SGK2: variants seen among roughly 807,000 people sequenced by gnomAD.
The protein encoded by SGK2 is serum/glucocorticoid regulated kinase 2, also known as serine/threonine-protein kinase Sgk2.
In SGK2, 36 loss-of-function variants were observed where a neutral mutation model predicts 47.5. The ratio of observed to expected loss-of-function variants is 0.76; its 90% CI spans 0.58 to 1.00. The LOEUF (loss-of-function observed/expected upper bound fraction) is 1.00, where lower values mean the gene tolerates loss of function less well. Ranked by LOEUF, SGK2 falls within the 50% of genes least tolerant of loss-of-function variation. The pLI is 0.00. For synonymous variants in SGK2, 157 were observed against 181.9 expected, an observed-to-expected ratio of 0.86 and a Z score of 1.10; for missense variants, 404 against 467.4, an observed-to-expected ratio of 0.86 and a Z score of 1.25.
chr20:43,560,498 C>CAAAAA (rs5841509), intron 1 of SGK2, among the ~76,000 whole-genome samples: 1 of 117,882 alleles, frequency 8.5e-6, no homozygotes. Context: ...GACTCCATCT[C>CAAAAA]AAAAAAAAAA....
chr20:43,575,083 T>C, intron 10 of SGK2, 79 bp downstream of exon 10: 1 of 901,342 alleles, frequency 1.1e-6, no homozygotes, highest in South Asian at 1.4e-5. Flanking sequence ...ACAAGCTCTG[T>C]CCAGGAAAAT....
At chr20:43,577,121 T>C (rs902835354) in intron 11 of SGK2, among the ~76,000 whole-genome samples, 1 of 151,192 alleles carries the variant, frequency 6.6e-6, no homozygotes, top group African/African-American at 2.4e-5. Context: ...TCTGAGGAGG[T>C]GACAATTAAG....
At chr20:43,567,895 C>T in intron 4 of SGK2, 21 bp from the exon 5 acceptor site, 1 of 1,612,546 alleles carries the variant, frequency 6.2e-7, no homozygotes, top group South Asian at 1.1e-5. Flanking sequence ...TACAGGGCCT[C>T]AAATTCATGT....
At chr20:43,571,221 C>T (rs544137283) in intron 8 of SGK2, among the ~76,000 whole-genome samples, 161 bp downstream of exon 8, 1 of 152,288 alleles carries the variant, frequency 6.6e-6, no homozygotes, top group South Asian at 2.1e-4. Context: ...TGCCCATGCA[C>T]ATGTACACAC....
chr20:43,582,647 C>T (rs1243242737), intron 12 of SGK2, among the ~76,000 whole-genome samples: 1 of 151,450 alleles, frequency 6.6e-6, no homozygotes, highest in African/African-American at 2.4e-5. Flanking sequence ...CACAGCCTCC[C>T]AAAGTGCTGG....
chr20:43,570,553 C>A, intron 6 of SGK2, 64 bp from the exon 7 acceptor site: 1 of 1,066,524 alleles, frequency 9.4e-7, no homozygotes, highest in Non-Finnish European at 1.4e-6. Flanking sequence ...GGGCGGGGAG[C>A]AGGTGCACCC....
rs1289718218 is a variant in SGK2 at position 43,567,064 on chromosome 20, T to C, written c.37-4T>C. Reference sequence around the variant, plus strand: ...CTGCTGATCATAATCACTTCTTTCTTTAGCCCTCCAGGGCCAATGGGAACA... The same window carrying C: ...CTGCTGATCATAATCACTTCTTTCTCTAGCCCTCCAGGGCCAATGGGAACA... On this transcript the variant is annotated splice_polypyrimidine_tract_variant and splice_region_variant and intron_variant, in intron 2 of 12. Transcript: ENST00000373100. 1.2e-6 allele frequency: 2 copies of C among 1,613,650 alleles called. No individual in the cohort carries two copies. The highest frequency in any genetic ancestry group is 3.3e-5 in the Admixed American group (2 of 60,002).
intron 4 of SGK2, 39 bp from the exon 5 acceptor site, chr20:43,567,877 A>G (rs376119948): frequency 2.7e-5 from 43 of 1,603,990 alleles, no homozygotes; most frequent in Non-Finnish European, 3.5e-5. Context: ...GGGAAGTCCA[A>G]AGTCACCTAC....
At chr20:43,569,558 G>T in intron 6 of SGK2, 42 bp downstream of exon 6, 1 of 1,604,572 alleles carries the variant, frequency 6.2e-7, no homozygotes, top group Non-Finnish European at 8.5e-7. Flanking sequence ...CTGGCTCTCG[G>T]CTGGGAGCTG....
chr20:43,568,761 A>T (rs1979901937), intron 5 of SGK2, among the ~76,000 whole-genome samples: 1 of 152,180 alleles, frequency 6.6e-6, no homozygotes, highest in African/African-American at 2.4e-5. Context: ...ATGAGCTACC[A>T]CACTCAGCCC....
intron 8 of SGK2, among the ~76,000 whole-genome samples, chr20:43,571,500 G>C (rs1385100823): frequency 6.6e-6 from 1 of 152,196 alleles, no homozygotes; most frequent in Non-Finnish European, 1.5e-5. Context: ...TTGCCGGCAG[G>C]GGGAGGGCCT....
At chr20:43,573,452 G>T (rs1024745564) in intron 9 of SGK2, among the ~76,000 whole-genome samples, 12 of 142,480 alleles carry the variant, frequency 8.4e-5, no homozygotes, top group Non-Finnish European at 1.6e-4. Context: ...TCGGGTCATT[G>T]CACTCCAGCC....
chr20:43,571,647 A>G (rs1980138921), intron 8 of SGK2, among the ~76,000 whole-genome samples: 1 of 152,092 alleles, frequency 6.6e-6, no homozygotes, highest in Non-Finnish European at 1.5e-5. Flanking sequence ...GGGGATGGGG[A>G]TAGGCATGGT....
At chr20:43,563,856 G>T (rs1344917827) in intron 1 of SGK2, among the ~76,000 whole-genome samples, 1 of 152,186 alleles carries the variant, frequency 6.6e-6, no homozygotes, top group Non-Finnish European at 1.5e-5. Flanking sequence ...GTTCAAGATG[G>T]AAGGCTTTGA....
At chr20:43,579,942 A>C in intron 11 of SGK2, 30 bp from the exon 12 acceptor site, 1 of 1,549,136 alleles carries the variant, frequency 6.5e-7, no homozygotes, top group Non-Finnish European at 8.9e-7. Context: ...GCTACTTCTA[A>C]CCAGAACCTT....
At chr20:43,570,919 C>T in intron 7 of SGK2, 105 bp from the exon 8 acceptor site, 1 of 1,560,476 alleles carries the variant, frequency 6.4e-7, no homozygotes. Flanking sequence ...CTCTGGCAAC[C>T]TCCATGAATA....
intron 6 of SGK2, 46 bp downstream of exon 6, chr20:43,569,562 G>A (rs1277853804): frequency 6.2e-7 from 1 of 1,602,880 alleles, no homozygotes; most frequent in Non-Finnish European, 8.5e-7. Flanking sequence ...CTCTCGGCTG[G>A]GAGCTGTCCA....
chr20:43,572,226 C>A lies in SGK2; in HGVS notation c.597+89C>A. 1 of 989,772 alleles carries A rather than the reference C, an allele frequency of 1.0e-6. No individual in the cohort carries two copies. The highest frequency in any genetic ancestry group is 1.6e-6 in the Non-Finnish European group (1 of 642,404). The allele number at this position is 989,772 out of a possible 1,614,324, so 61.3% of individuals were successfully genotyped here. ...AGCCAACAGGTTACAGTGAAGGGGA[C>A]TCACTCCTTTGACCCAAACACTTCT... On this transcript the variant is annotated intron_variant, in intron 9 of 12. Transcript: ENST00000373100. The surrounding 1 kb of genome is among the most constrained non-coding windows in gnomAD (Gnocchi z 4.2).
At chr20:43,581,036 C>A (rs549611430) in intron 12 of SGK2, among the ~76,000 whole-genome samples, 4 of 151,938 alleles carry the variant, frequency 2.6e-5, no homozygotes, top group East Asian at 2.0e-4. Flanking sequence ...CCACCATGCC[C>A]GGCTAATTTT....
Sources: allele counts gnomAD v4.1 joint callset (sites outside exome capture counted in the v4.1 genomes callset), GRCh38; gene constraint gnomAD v4.1.1; non-coding constraint Gnocchi (gnomAD v3.1); transcripts MANE v1.5; gene names NCBI Gene and HGNC (gene_info 2026-07-23, HGNC 2026-07-21).